The following CNTNAP2 variants were observed in gnomAD, a reference collection of about 807,000 sequenced individuals.
CNTNAP2 encodes contactin-associated protein-like 2.
Under a neutral mutation model 155.2 loss-of-function variants are expected in CNTNAP2, and 98 were observed. That is an observed-to-expected ratio of 0.63 (90% confidence interval 0.54 to 0.75). The LOEUF (loss-of-function observed/expected upper bound fraction) is 0.75. CNTNAP2 is among the 30% of genes least tolerant of loss of function. The pLI, the probability that CNTNAP2 is intolerant of heterozygous loss-of-function variation, is 0.00. For missense variants in CNTNAP2, 1,727 were observed against 1,688.1 expected (o/e 1.02, Z -0.40); for synonymous variants, 651 against 631.2 (o/e 1.03, Z -0.47).
chr7:146,726,727 A>G (rs1377517127), intron 1 of CNTNAP2, among the ~76,000 whole-genome samples: 2 of 152,168 alleles, frequency 1.3e-5, no homozygotes, highest in South Asian at 2.1e-4. Flanking sequence ...AGAGTGGTGT[A>G]AAGAGTAGTC....
At chr7:146,287,457 G>A (rs1259711070) in intron 1 of CNTNAP2, among the ~76,000 whole-genome samples, 1 of 152,120 alleles carries the variant, frequency 6.6e-6, no homozygotes, top group Non-Finnish European at 1.5e-5. Context: ...TTAGTGTTTT[G>A]AAGACATATT....
At chr7:147,921,252 C>T (rs772846050) in intron 14 of CNTNAP2, among the ~76,000 whole-genome samples, 11 of 152,158 alleles carry the variant, frequency 7.2e-5, no homozygotes, top group African/African-American at 1.9e-4. Flanking sequence ...TTATGGCAGA[C>T]GCCATTTGCC....
intron 1 of CNTNAP2, among the ~76,000 whole-genome samples, chr7:146,305,532 C>G (rs202009012): frequency 6.6e-6 from 1 of 152,066 alleles, no homozygotes; most frequent in Non-Finnish European, 1.5e-5. Context: ...GTTGGAGTTT[C>G]CTGGAGGTCC....
At chr7:148,237,819 C>G (rs1021395877) in intron 20 of CNTNAP2, among the ~76,000 whole-genome samples, 1 of 152,146 alleles carries the variant, frequency 6.6e-6, no homozygotes, top group Non-Finnish European at 1.5e-5. Context: ...GCCGGGGGAG[C>G]CCTAGTTCAC....
chr7:146,378,846 T>G (rs527972352), intron 1 of CNTNAP2, among the ~76,000 whole-genome samples: 1 of 152,256 alleles, frequency 6.6e-6, no homozygotes, highest in Admixed American at 6.5e-5. Flanking sequence ...ACTTATACAT[T>G]TGCTGAAGCA....
At chr7:146,530,581 T>C (rs1797756247) in intron 1 of CNTNAP2, among the ~76,000 whole-genome samples, 1 of 152,098 alleles carries the variant, frequency 6.6e-6, no homozygotes. Context: ...GAACAGAATT[T>C]TCCAAAGAAG....
At chr7:146,235,026 T>C (rs1391577477) in intron 1 of CNTNAP2, among the ~76,000 whole-genome samples, 2 of 152,156 alleles carry the variant, frequency 1.3e-5, no homozygotes, top group African/African-American at 2.4e-5. Flanking sequence ...TCTGTCAGCA[T>C]AGTCTGTTTA....
intron 14 of CNTNAP2, among the ~76,000 whole-genome samples, chr7:147,956,925 G>A (rs1801024703): frequency 6.6e-6 from 1 of 152,182 alleles, no homozygotes; most frequent in Non-Finnish European, 1.5e-5. Flanking sequence ...GCAGGTCTGA[G>A]GACCCAGGTG....
At chr7:146,591,853 C>T (rs1226693293) in intron 1 of CNTNAP2, among the ~76,000 whole-genome samples, 4 of 152,150 alleles carry the variant, frequency 2.6e-5, no homozygotes, top group South Asian at 2.1e-4. Flanking sequence ...CTGATCTTTA[C>T]TCAAAGATGC....
At chr7:146,323,296 G>C (rs1214387663) in intron 1 of CNTNAP2, among the ~76,000 whole-genome samples, 2 of 151,380 alleles carry the variant, frequency 1.3e-5, no homozygotes, top group African/African-American at 4.9e-5. Context: ...CAAAGCTCTG[G>C]CTAGTACTTG....
At chr7:147,124,204 A>C (rs2129283446) in intron 6 of CNTNAP2, among the ~76,000 whole-genome samples, 1 of 152,350 alleles carries the variant, frequency 6.6e-6, no homozygotes, top group African/African-American at 2.4e-5. Flanking sequence ...CAAATTATAC[A>C]ACATTCATTC....
At chr7:147,226,763 G>T (rs1803554880) in intron 8 of CNTNAP2, among the ~76,000 whole-genome samples, 1 of 152,118 alleles carries the variant, frequency 6.6e-6, no homozygotes, top group African/African-American at 2.4e-5. Flanking sequence ...CAAGAAATTA[G>T]CCTTCCGCTC....
chr7:147,734,748 G>A (rs1325163820), intron 13 of CNTNAP2, among the ~76,000 whole-genome samples: 1 of 152,108 alleles, frequency 6.6e-6, no homozygotes, highest in African/African-American at 2.4e-5. Context: ...GTCTTGGAAG[G>A]GTGTATGTGT....
chr7:146,267,529 A>G (rs1313709675), intron 1 of CNTNAP2, among the ~76,000 whole-genome samples: 4 of 152,158 alleles, frequency 2.6e-5, no homozygotes, highest in African/African-American at 9.7e-5. Flanking sequence ...AGGTGATGAT[A>G]ATAGGAGGTG....
chr7:147,216,130 GT>G (rs151102034), intron 8 of CNTNAP2, among the ~76,000 whole-genome samples: 55 of 146,942 alleles, frequency 3.7e-4, no homozygotes, highest in African/African-American at 6.7e-4. Flanking sequence ...CCCAGTCTGT[GT>G]TTTTTTTTTC....
intron 12 of CNTNAP2, among the ~76,000 whole-genome samples, chr7:147,627,640 C>A (rs11983695): frequency 1.4e-5 from 2 of 139,506 alleles, no homozygotes; most frequent in Admixed American, 1.6e-4. Flanking sequence ...TGCAGTGAGC[C>A]GAGATTGTGC....
intron 15 of CNTNAP2, among the ~76,000 whole-genome samples, chr7:148,084,625 A>T (rs899684674): frequency 1.3e-5 from 2 of 152,134 alleles, no homozygotes; most frequent in Non-Finnish European, 2.9e-5. Flanking sequence ...TGTAAAGAAG[A>T]TTGCACTGAA....
intron 3 of CNTNAP2, among the ~76,000 whole-genome samples, chr7:147,033,803 A>T (rs1409969127): frequency 6.6e-6 from 1 of 151,972 alleles, no homozygotes; most frequent in Non-Finnish European, 1.5e-5. Flanking sequence ...GAGGGGAAAA[A>T]AAAAAAAAAA....
chr7:146,520,220 TCTA>T (rs1354811618), intron 1 of CNTNAP2, among the ~76,000 whole-genome samples: 3 of 150,000 alleles, frequency 2.0e-5, no homozygotes, highest in African/African-American at 7.3e-5. Flanking sequence ...GGCAAAAAAA[TCTA>T]CTAATTTTCA....
Sources: allele counts gnomAD v4.1 joint callset (sites outside exome capture counted in the v4.1 genomes callset), GRCh38; gene constraint gnomAD v4.1.1; transcripts MANE v1.5; gene names NCBI Gene and HGNC (gene_info 2026-07-23, HGNC 2026-07-21).